Variants in CTNS observed in about 807,000 individuals in gnomAD.
CTNS encodes cystinosin, lysosomal cystine transporter.
A neutral mutation model predicts 43.7 loss-of-function variants in CTNS; 27 were observed. The observed-to-expected ratio is 0.62, with a 90% confidence interval of 0.46 to 0.85. The LOEUF (loss-of-function observed/expected upper bound fraction) is 0.85. Among genes scored for constraint, CTNS ranks in the 40% least tolerant of loss-of-function variants. The pLI, the probability that CTNS is intolerant of heterozygous loss-of-function variation, is 0.00. For synonymous variants in CTNS, 187 were observed against 190.6 expected (o/e 0.98, Z 0.16); for missense variants, 457 against 475.4 (o/e 0.96, Z 0.36).
At chr17:3,647,706 C>T in intron 4 of CTNS, 184 bp downstream of exon 4, 1 of 645,124 alleles carries the variant, frequency 1.6e-6, no homozygotes, top group East Asian at 2.8e-5. Flanking sequence ...CAAAGGCTGA[C>T]CCCCACCCTG....
At chr17:3,647,178 A>T (rs563763999) in intron 3 of CTNS, among the ~76,000 whole-genome samples, 2 of 152,172 alleles carry the variant, frequency 1.3e-5, no homozygotes, top group Admixed American at 6.5e-5. Flanking sequence ...TGGTTAACTC[A>T]GCCGCAGACT....
chr17:3,658,618 A>T lies in CTNS; in HGVS notation c.852+443A>T, dbSNP rs117755518. On this transcript the variant is annotated intron_variant, in intron 10 of 11. Coordinates refer to ENST00000046640, the MANE Select transcript of CTNS (RefSeq NM_004937.3). ...GATCCGGGGACTCAGGGTCCAGCAC[A>T]TCTTGCCCCACAGCCTGGGACAGGG... 3.1e-3 allele frequency among the ~76,000 whole-genome samples: 470 copies of T among 152,318 alleles called. 1 individual carries two copies. Among genetic ancestry groups the T allele is most frequent in the Non-Finnish European group, 5.3e-3 (358 of 68,024 alleles).
chr17:3,654,100 G>C (rs930246468), intron 5 of CTNS, among the ~76,000 whole-genome samples: 2 of 152,196 alleles, frequency 1.3e-5, no homozygotes, highest in African/African-American at 4.8e-5. Context: ...GAGGAGCCCA[G>C]TGATGATGGA....
rs928761379 is a variant in CTNS at position 3,661,425 on chromosome 17, G to GT, written c.*1056_*1057insT. 4 of 153,374 alleles carry GT rather than the reference G, an allele frequency of 2.6e-5. No homozygotes were observed. Among genetic ancestry groups the GT allele is most frequent in the Non-Finnish European group, 4.3e-5 (3 of 69,038 alleles). The allele number at this position is 153,374 out of a possible 1,614,324, so 9.5% of individuals were successfully genotyped here. On this transcript the variant is annotated 3_prime_UTR_variant, in exon 12 of 12. Transcript: ENST00000046640. ...GTCCTTCCTATGGCAGGAGGGGTGG[G>GT]GGTCCCAGGACGTGCCTCATACATG...
At chr17:3,641,613 G>C (rs1241292788) in intron 3 of CTNS, among the ~76,000 whole-genome samples, 3 of 151,476 alleles carry the variant, frequency 2.0e-5, no homozygotes, top group Non-Finnish European at 2.9e-5. Flanking sequence ...GGCTGGTTTT[G>C]AGCTCCTGAC....
chr17:3,654,138 C>T (rs1597643335), intron 5 of CTNS, among the ~76,000 whole-genome samples: 1 of 152,188 alleles, frequency 6.6e-6, no homozygotes, highest in African/African-American at 2.4e-5. Context: ...TGTAGTATAG[C>T]AGTGGCCCCG....
rs769364200 is a variant in CTNS, at chr17:3,640,257, A to G, written c.51A>G (p.Val17=). 2 of 1,613,916 alleles carry G rather than the reference A, an allele frequency of 1.2e-6. No individual in the cohort carries two copies. Among genetic ancestry groups the G allele is most frequent in the African/African-American group, 2.7e-5 (2 of 74,944 alleles). ...TIFILFPLKL[V]EKCESSVSLT... ...TTATCCTTTTTCCCCTGAAGCTCGT[A>G]GAGAAATGTGGTAAGTTTAGAAATG... is the stretch of plus-strand genomic sequence containing the variant. Residue 17 remains valine (V), a synonymous_variant, in exon 3 of 12, where the codon GTA becomes GTG. Coordinates refer to ENST00000046640, the MANE Select transcript of CTNS (RefSeq NM_004937.3).
intron 4 of CTNS, 144 bp downstream of exon 4, chr17:3,647,666 G>T: frequency 1.3e-6 from 1 of 770,546 alleles, no homozygotes; most frequent in Non-Finnish European, 2.2e-6. Flanking sequence ...AAAAGGGATG[G>T]TGCTAGCCCC....
At chr17:3,653,706 T>G (rs1199907887) in intron 5 of CTNS, among the ~76,000 whole-genome samples, 2 of 151,904 alleles carry the variant, frequency 1.3e-5, no homozygotes, top group Non-Finnish European at 2.9e-5. Flanking sequence ...TGAAACCCCG[T>G]CTCTACTAAA....
intron 9 of CTNS, chr17:3,657,662 ACCCCACGTCT>A: frequency 5.1e-6 from 2 of 390,652 alleles, no homozygotes; most frequent in South Asian, 5.1e-5. Flanking sequence ...CAGAGTTCCG[ACCCCACGTCT>A]CCAAGTGAGT....
intron 2 of CTNS, among the ~76,000 whole-genome samples, chr17:3,639,404 C>A (rs1005663781): frequency 8.8e-4 from 134 of 152,086 alleles, no homozygotes; most frequent in African/African-American, 3.2e-3. Flanking sequence ...GCGGTGGCTC[C>A]TACCTGTAAC....
In CTNS at chr17:3,659,925, C is replaced by CCGGGGG; in HGVS notation, c.922_927dup (p.Gly308_Gly309dup). 3 of 1,613,966 alleles carry CCGGGGG rather than the reference C, an allele frequency of 1.9e-6. No homozygotes were observed. Among genetic ancestry groups the CCGGGGG allele is most frequent in the Non-Finnish European group, 2.5e-6 (3 of 1,180,016 alleles). The stretch of plus-strand genomic sequence containing the variant: ...ATTGGCAACGTGCTCCTGGACTTCA[C>CCGGGGG]CGGGGGCAGCTTCAGCCTCCTGCAG... On this transcript the variant is annotated inframe_insertion, in exon 11 of 12. Transcript: ENST00000046640.
rs2076201041 is a variant in CTNS at position 3,658,194 on chromosome 17, T to A, written c.852+19T>A. 6.2e-7 allele frequency: 1 copy of A among 1,611,666 alleles called. No homozygotes were observed. Among genetic ancestry groups the A allele is most frequent in the African/African-American group, 1.3e-5 (1 of 74,990 alleles). ...TCCACAGGTACCTCCAGGGCCCTGT[T>A]CACATGGCCGGTGGCAGGAGAGGTG... On this transcript the variant is annotated intron_variant, in intron 10 of 11. Coordinates refer to ENST00000046640, the MANE Select transcript of CTNS (RefSeq NM_004937.3).
In CTNS at chr17:3,662,890, C is replaced by G. The variant is rs1400905333; in HGVS notation, c.*2521C>G. 6.6e-6 allele frequency: 1 copy of G among 152,180 alleles called. No individual in the cohort carries two copies. The highest frequency in any genetic ancestry group is 2.4e-5 in the African/African-American group (1 of 41,432). 9.4% of individuals were successfully genotyped at this position (152,180 alleles called of 1,614,324 possible). ...TCCCAGCCCATGCCTCAGCAAAGCC[C>G]CCTGTGAATTCCAGCATTTTTATTG... On this transcript the variant is annotated 3_prime_UTR_variant, in exon 12 of 12. Transcript: ENST00000046640.
Position 3,660,224 on chromosome 17 carries a change from G to T in CTNS, c.971-12G>T. On this transcript the variant is annotated splice_polypyrimidine_tract_variant and intron_variant, in intron 11 of 11. Transcript: ENST00000046640. ...AACCTAACACCAGCTTCTGTCCCCC[G>T]GCTGCTAACAGACCAGTGGACGCTG... 1 of 1,614,108 alleles carries T rather than the reference G, an allele frequency of 6.2e-7. No homozygotes were observed. The highest frequency in any genetic ancestry group is 8.5e-7 in the Non-Finnish European group (1 of 1,180,036).
chr17:3,658,434 C>T (rs12325922), intron 10 of CTNS, among the ~76,000 whole-genome samples: 1 of 152,172 alleles, frequency 6.6e-6, no homozygotes, highest in African/African-American at 2.4e-5. Context: ...GCGGGTGGTT[C>T]CCCTTCTCCA....
chr17:3,646,813 C>T (rs1338807054), intron 3 of CTNS, among the ~76,000 whole-genome samples: 1 of 152,170 alleles, frequency 6.6e-6, no homozygotes, highest in Non-Finnish European at 1.5e-5. Flanking sequence ...CAACTTGATT[C>T]TGAGTTAACA....
At chr17:3,647,629 C>G in intron 4 of CTNS, 107 bp downstream of exon 4, 1 of 983,582 alleles carries the variant, frequency 1.0e-6, no homozygotes, top group Admixed American at 1.9e-5. Context: ...GCTATTCTTG[C>G]CTCTTACCTG....
In CTNS at chr17:3,655,237, C is replaced by A; in HGVS notation, c.346C>A (p.Leu116Ile). The A allele has an allele frequency of 6.2e-7, 1 of 1,614,230 alleles. No individual in the cohort carries two copies. Among genetic ancestry groups the A allele is most frequent in the Non-Finnish European group, 8.5e-7 (1 of 1,180,052 alleles). The change falls in exon 7 of 12, where the codon CTT becomes ATT. Residue 116 changes from leucine (L) to isoleucine (I), a missense_variant. Physicochemically the swap from Leu to Ile is conservative, Grantham distance 5. Transcript: ENST00000046640. Reference sequence around the variant, plus strand: ...CCTTTCCAGCCCGAGGATACGCTTTCTTGTGATCCGCAGCAGCGCCATTAG... The same window carrying A: ...CCTTTCCAGCCCGAGGATACGCTTTATTGTGATCCGCAGCAGCGCCATTAG... ...SNQTGPRIRF[L>I]VIRSSAISII...
Sources: gnomAD v4.1 joint callset for allele counts (sites outside exome capture counted in the v4.1 genomes callset) on GRCh38, gnomAD v4.1.1 for gene constraint, MANE v1.5 for transcripts, NCBI Gene and HGNC (gene_info 2026-07-23, HGNC 2026-07-21) for gene names.